Variants in WNK3 observed in about 807,000 individuals in gnomAD.
WNK3 encodes the protein WNK lysine deficient protein kinase 3.
A neutral mutation model predicts 116.7 loss-of-function variants in WNK3; 18 were observed. That is an observed-to-expected ratio of 0.15 (90% CI 0.11 to 0.23). The LOEUF is 0.23. WNK3 is among the 10% of genes least tolerant of loss of function. WNK3 has a pLI of 1.00. For missense variants in WNK3, 993 were observed against 1,323.8 expected (o/e 0.75, Z 3.88); for synonymous variants, 404 against 469.4 (o/e 0.86, Z 1.80).
chrX:54,271,478 C>T (rs1286917346), intron 10 of WNK3, among the ~76,000 whole-genome samples: 1 of 111,636 alleles, frequency 9.0e-6, no homozygotes, highest in Non-Finnish European at 1.9e-5. Flanking sequence ...TCAAACTACA[C>T]AGGTACTTAG....
In WNK3 at chrX:54,306,534, C is replaced by A. The variant is rs150940936; in HGVS notation, c.1089+1388G>T. Reference sequence around the variant, plus strand: ...AAGACATTATGTTAAGTGAAATAAACCAGCACAGAAAGACAAATACAACAT... The same window carrying A: ...AAGACATTATGTTAAGTGAAATAAAACAGCACAGAAAGACAAATACAACAT... On this transcript the variant is annotated intron_variant, in intron 5 of 23. Transcript: ENST00000354646. Among the ~76,000 whole-genome samples the A allele has an allele frequency of 5.1e-3, 565 of 111,168 alleles. 6 individuals are homozygous for A. The highest frequency in any genetic ancestry group is 0.018 in the African/African-American group (551 of 30,575).
intron 10 of WNK3, among the ~76,000 whole-genome samples, chrX:54,273,116 T>C (rs1041096191): frequency 8.9e-6 from 1 of 112,106 alleles, no homozygotes; most frequent in Non-Finnish European, 1.9e-5. Context: ...CTGCTTCTAG[T>C]TGTCAACGCT....
exon 8 of WNK3, chrX:54,294,780 G>A (rs373983548): frequency 8.2e-5 from 99 of 1,207,617 alleles, no homozygotes; most frequent in Non-Finnish European, 1.1e-4. Flanking sequence ...CTTTATTGGC[G>A]TCACCCGGTC....
At chrX:54,268,487 C>G (rs1454335411) in intron 10 of WNK3, among the ~76,000 whole-genome samples, 1 of 110,778 alleles carries the variant, frequency 9.0e-6, no homozygotes. Context: ...GAGCAAGACC[C>G]TGCCTCAAAA....
chrX:54,206,847 T>C (rs2067559018), intron 22 of WNK3, among the ~76,000 whole-genome samples: 1 of 111,304 alleles, frequency 9.0e-6, no homozygotes, highest in Non-Finnish European at 1.9e-5. Context: ...CTGACCAACA[T>C]GGTTAAACCC....
At position 54,271,015 on chromosome X, in the gene WNK3, G is replaced by A. The variant is rs192418693; in HGVS notation, c.2038-11677C>T. 7.7e-3 allele frequency among the ~76,000 whole-genome samples: 861 copies of A among 111,671 alleles called. 2 individuals carry two copies. The highest frequency in any genetic ancestry group is 0.019 in the Middle Eastern group (4 of 214). ...GCTGGTCTTGAACTCCTGACCTCAGGTGATCTGCCCGCCTTGGCCTCCCAA... is the reference window on the plus strand; with the variant it reads ...GCTGGTCTTGAACTCCTGACCTCAGATGATCTGCCCGCCTTGGCCTCCCAA... On this transcript the variant is annotated intron_variant, in intron 10 of 23. Coordinates refer to ENST00000354646, the Ensembl canonical transcript of WNK3.
At chrX:54,216,235 T>G (rs781954307) in intron 22 of WNK3, among the ~76,000 whole-genome samples, 2 of 108,351 alleles carry the variant, frequency 1.8e-5, no homozygotes, top group Admixed American at 2.0e-4. Flanking sequence ...TATTGTCCTA[T>G]GACCCTGCCA....
chrX:54,251,442 T>C, exon 15 of WNK3: 1 of 1,184,165 alleles, frequency 8.4e-7, no homozygotes, highest in South Asian at 1.8e-5. Context: ...CTTGTTCAGA[T>C]GACCCTGTCT....
exon 2 of WNK3, chrX:54,333,562 T>C: frequency 2.5e-6 from 3 of 1,209,703 alleles, no homozygotes; most frequent in Middle Eastern, 2.3e-4. Flanking sequence ...TCCTTTAGTC[T>C]AGCTTCTACT....
At chrX:54,344,556 G>T (rs782424876) in intron 1 of WNK3, among the ~76,000 whole-genome samples, 1 of 113,156 alleles carries the variant, frequency 8.8e-6, no homozygotes, top group African/African-American at 3.2e-5. Context: ...CACAATCAAT[G>T]ATCACAAACA....
chrX:54,245,145 C>CGTGTGTGTGTGTGT (rs782272022), intron 17 of WNK3, among the ~76,000 whole-genome samples: 3 of 84,670 alleles, frequency 3.5e-5, no homozygotes, highest in African/African-American at 1.3e-4. Flanking sequence ...CATATATATG[C>CGTGTGTGTGTGTGT]GTGTGTGTGT....
chrX:54,229,209 T>C (rs782340995), intron 21 of WNK3, among the ~76,000 whole-genome samples: 4 of 110,737 alleles, frequency 3.6e-5, no homozygotes, highest in Non-Finnish European at 7.6e-5. Flanking sequence ...GAAACACATA[T>C]AGAATCTGTA....
intron 5 of WNK3, among the ~76,000 whole-genome samples, chrX:54,304,503 T>C (rs2068801875): frequency 2.8e-5 from 3 of 108,004 alleles, no homozygotes; most frequent in Admixed American, 1.0e-4. Context: ...ATCGTACCAC[T>C]GTACTCAAGC....
intron 22 of WNK3, among the ~76,000 whole-genome samples, chrX:54,216,019 A>C (rs1011761883): frequency 9.0e-5 from 10 of 110,559 alleles, no homozygotes; most frequent in Non-Finnish European, 1.9e-4. Flanking sequence ...TGTGTCCACT[A>C]AGGGTTAAAT....
At position 54,346,755 on chromosome X, in the gene WNK3, T is replaced by C. The variant is rs782464864; in HGVS notation, c.-120+10931A>G. Among the ~76,000 whole-genome samples the C allele has an allele frequency of 7.2e-5, 8 of 111,449 alleles. No homozygotes were observed. The South Asian group carries it at 2.6e-3, about 36-fold the overall frequency. On this transcript the variant is annotated intron_variant, in intron 1 of 23. Coordinates refer to ENST00000354646, the Ensembl canonical transcript of WNK3. ...CATTTGTGAAGTCTCACAGGACCAA[T>C]ATGAAAATACACATATAAAATATTT...
At chrX:54,289,920 A>G (rs1432759901) in intron 10 of WNK3, among the ~76,000 whole-genome samples, 3 of 111,805 alleles carry the variant, frequency 2.7e-5, no homozygotes, top group Admixed American at 9.5e-5. Context: ...GTTGAAGACC[A>G]ACTGTTGGAT....
rs146898409 is a variant in WNK3, at chrX:54,262,846, T to C, written c.2038-3508A>G. Among the ~76,000 whole-genome samples the C allele has an allele frequency of 8.5e-3, 902 of 105,833 alleles. 10 individuals are homozygous for C. Among genetic ancestry groups the C allele is most frequent in the Middle Eastern group, 0.064 (13 of 203 alleles). The allele number at this position is 105,833 out of a possible 115,157, so 91.9% of individuals were successfully genotyped here. The stretch of plus-strand genomic sequence containing the variant: ...ACTCAGGAGGCTGAGGCAAGAGAAC[T>C]GCTTGAACCTGGGAGGTGGAGGTTC... On this transcript the variant is annotated intron_variant, in intron 10 of 23. Transcript: ENST00000354646.
intron 2 of WNK3, among the ~76,000 whole-genome samples, chrX:54,315,570 G>T (rs1320328020): frequency 9.0e-6 from 1 of 111,406 alleles, no homozygotes; most frequent in Admixed American, 9.7e-5. Flanking sequence ...TTCTTGGATG[G>T]TGTAGCCTTT....
intron 22 of WNK3, among the ~76,000 whole-genome samples, chrX:54,226,133 T>C (rs2067834844): frequency 9.6e-6 from 1 of 104,512 alleles, no homozygotes; most frequent in African/African-American, 3.5e-5. Context: ...AATCTGGATC[T>C]TTAACTCACA....
Sources: gnomAD v4.1 joint callset for allele counts (sites outside exome capture counted in the v4.1 genomes callset) on GRCh38, gnomAD v4.1.1 for gene constraint, MANE v1.5 for transcripts, NCBI Gene and HGNC (gene_info 2026-07-23, HGNC 2026-07-21) for gene names.